The following PCNX2 variants were observed in gnomAD, a reference collection of about 807,000 sequenced individuals.
PCNX2 encodes pecanex 2, also known as pecanex-like protein 2.
In PCNX2, 168 loss-of-function variants were observed where a neutral mutation model predicts 223.8. The observed-to-expected ratio is 0.75, with a 90% confidence interval of 0.66 to 0.85. The LOEUF (loss-of-function observed/expected upper bound fraction) is 0.85. PCNX2 is among the 40% of genes least tolerant of loss of function. PCNX2 has a pLI of 0.00. For synonymous variants in PCNX2, 1,006 were observed against 1,052.6 expected (o/e 0.96, Z 0.86); for missense variants, 2,507 against 2,675.5 (o/e 0.94, Z 1.39).
At chr1:233,179,582 G>A (rs1679677663) in intron 15 of PCNX2, among the ~76,000 whole-genome samples, 1 of 152,164 alleles carries the variant, frequency 6.6e-6, no homozygotes, top group Non-Finnish European at 1.5e-5. Flanking sequence ...TGACATAAGA[G>A]ATTAAATAGA....
upstream of PCNX2, among the ~76,000 whole-genome samples, chr1:233,299,667 G>A (rs1315855989): frequency 6.6e-6 from 1 of 152,198 alleles, no homozygotes. Context: ...TGGTACGACA[G>A]AAAGGGAATG....
chr1:233,131,968 A>G (rs1035245158), intron 21 of PCNX2, among the ~76,000 whole-genome samples: 6 of 148,892 alleles, frequency 4.0e-5, no homozygotes, highest in African/African-American at 1.5e-4. Flanking sequence ...ATGGAGTCTC[A>G]CTCTGTTGCC....
chr1:233,326,250 C>G, the PCNX2 span, among the ~76,000 whole-genome samples: 2 of 152,202 alleles, frequency 1.3e-5, no homozygotes, highest in African/African-American at 4.8e-5. Flanking sequence ...TTGCAGTGAT[C>G]TGGAACCATG....
At position 232,990,107 on chromosome 1, in the gene PCNX2, A is replaced by T. The variant is rs917250264; in HGVS notation, c.5792-3567T>A. Reference sequence around the variant, plus strand: ...ATGGTTGTTTTACTTAACTAGAAGGAGGGTGAGAAGGAGGCCAGAGACTGA... The same window carrying T: ...ATGGTTGTTTTACTTAACTAGAAGGTGGGTGAGAAGGAGGCCAGAGACTGA... On this transcript the variant is annotated intron_variant, in intron 32 of 33. Coordinates refer to ENST00000258229, the MANE Select transcript of PCNX2 (RefSeq NM_014801.4). This position sits in a 1 kb window ranked among gnomAD's most constrained non-coding sequence, Gnocchi z 4.3. 2.0e-5 allele frequency among the ~76,000 whole-genome samples: 3 copies of T among 152,158 alleles called. No homozygotes were observed. The highest frequency in any genetic ancestry group is 6.5e-5 in the Admixed American group (1 of 15,278).
At chr1:233,103,509 A>C (rs11580870) in intron 21 of PCNX2, among the ~76,000 whole-genome samples, 22,874 of 152,002 alleles carry the variant, frequency 0.15, 1,794 homozygotes, top group East Asian at 0.21. Context: ...TGATTTGTAC[A>C]TCCCACAAAT....
intron 28 of PCNX2, among the ~76,000 whole-genome samples, chr1:233,013,300 C>G (rs755495976): frequency 6.6e-6 from 1 of 152,202 alleles, no homozygotes; most frequent in Non-Finnish European, 1.5e-5. Flanking sequence ...TTGGTTCTTA[C>G]TTGTCCCTCT....
intron 23 of PCNX2, among the ~76,000 whole-genome samples, chr1:233,081,007 C>T (rs1673332189): frequency 1.3e-5 from 2 of 152,148 alleles, no homozygotes; most frequent in South Asian, 2.1e-4. Context: ...AAATCAAGGG[C>T]AGGTCATAGC....
chr1:233,172,271 G>A, intron 17 of PCNX2: 2 of 868,434 alleles, frequency 2.3e-6, no homozygotes, highest in Non-Finnish European at 2.8e-6. Flanking sequence ...AAAAAAACTG[G>A]TTTGGGAAAC....
chr1:233,221,687 G>T (rs1307284902), intron 10 of PCNX2, among the ~76,000 whole-genome samples: 1 of 152,180 alleles, frequency 6.6e-6, no homozygotes, highest in Non-Finnish European at 1.5e-5. Context: ...GGTAATGAGG[G>T]CCTGGGAAGC....
intron 23 of PCNX2, among the ~76,000 whole-genome samples, chr1:233,066,728 C>G (rs1672626090): frequency 6.6e-6 from 1 of 152,186 alleles, no homozygotes; most frequent in Admixed American, 6.5e-5. Context: ...AAGTGGCCTC[C>G]CAAAGAATCC....
At chr1:233,208,826 C>CAAAAAAAAAAAAAAAAAAAAAAACAAA (rs1681645725) in intron 12 of PCNX2, 137 bp from the exon 13 acceptor site, 1 of 59,534 alleles carries the variant, frequency 1.7e-5, no homozygotes, top group Non-Finnish European at 3.2e-5. Flanking sequence ...AATTCATATA[C>CAAAAAAAAAAAAAAAAAAAAAAACAAA]AAAAAAAAAA....
chr1:233,007,803 G>C (rs958698338), intron 28 of PCNX2, among the ~76,000 whole-genome samples: 6 of 152,010 alleles, frequency 3.9e-5, no homozygotes, highest in African/African-American at 1.5e-4. Flanking sequence ...GCCTCCCTGA[G>C]CAGTTGGGAT....
chr1:233,295,380 G>C lies in PCNX2; in HGVS notation c.99C>G (p.Ser33Arg). The change falls in exon 1 of 34, where the codon AGC becomes AGG. Residue 33 changes from serine (S) to arginine (R), a missense_variant. Physicochemically the swap from Ser to Arg is moderately radical, Grantham distance 110. This residue lies in a region of PCNX2 where 1,031 missense variants were observed against 1,021.7 expected (regional missense o/e 1.01). Coordinates refer to ENST00000258229, the MANE Select transcript of PCNX2 (RefSeq NM_014801.4). The surrounding 1 kb of genome is among the most constrained non-coding windows in gnomAD (Gnocchi z 4.1). ...HDPEQSKFTN[S>R]CHLYLWLFLL... Reference sequence around the variant, plus strand: ...GGAACAGCCACAGGTAGAGGTGGCAGCTGTTGGTGAACTTGCTCTGCTCCG... The same window carrying C: ...GGAACAGCCACAGGTAGAGGTGGCACCTGTTGGTGAACTTGCTCTGCTCCG... The C allele has an allele frequency of 6.4e-7, 1 of 1,560,790 alleles. No individual in the cohort carries two copies. Among genetic ancestry groups the C allele is most frequent in the Non-Finnish European group, 8.7e-7 (1 of 1,152,102 alleles).
At chr1:232,987,795 C>T (rs1261872660) in intron 32 of PCNX2, among the ~76,000 whole-genome samples, 1 of 152,044 alleles carries the variant, frequency 6.6e-6, no homozygotes, top group African/African-American at 2.4e-5. Context: ...GCTGAAGGGG[C>T]CTTTCTGCCT....
At chr1:232,999,056 C>T (rs1225274256) in intron 31 of PCNX2, 49 bp downstream of exon 31, 2 of 1,542,832 alleles carry the variant, frequency 1.3e-6, no homozygotes, top group Non-Finnish European at 1.7e-6. Flanking sequence ...CTGCATCCCC[C>T]ACACCTTCCC....
intron 22 of PCNX2, 178 bp downstream of exon 22, chr1:233,095,577 A>T (rs2295745): frequency 0.17 from 104,491 of 619,464 alleles, 9,349 homozygotes; most frequent in East Asian, 0.21. Flanking sequence ...AGTTCAAAAT[A>T]AAGAAATATC....
At chr1:233,221,206 C>T (rs1317799311) in intron 10 of PCNX2, among the ~76,000 whole-genome samples, 6 of 150,730 alleles carry the variant, frequency 4.0e-5, no homozygotes, top group African/African-American at 7.3e-5. Flanking sequence ...TTTTTTTAAT[C>T]GGGGGAAACC....
chr1:233,190,485 T>C (rs929586559), intron 15 of PCNX2, among the ~76,000 whole-genome samples: 33 of 152,220 alleles, frequency 2.2e-4, no homozygotes, highest in Non-Finnish European at 4.1e-4. Context: ...GAAATTCAAA[T>C]TGCTCTATTT....
intron 9 of PCNX2, among the ~76,000 whole-genome samples, chr1:233,235,629 T>C (rs2102960406): frequency 6.7e-6 from 1 of 149,884 alleles, no homozygotes; most frequent in Middle Eastern, 3.4e-3. Context: ...TGAGACAGAG[T>C]CTCGCTCTGT....
Sources: gnomAD v4.1 joint callset for allele counts (sites outside exome capture counted in the v4.1 genomes callset) on GRCh38, gnomAD v4.1.1 for gene constraint, gnomAD v4.1.1 regional missense constraint, Gnocchi (gnomAD v3.1) non-coding constraint, MANE v1.5 for transcripts, NCBI Gene and HGNC (gene_info 2026-07-23, HGNC 2026-07-21) for gene names.